Variants in SLC16A2 observed in about 807,000 individuals in gnomAD.
SLC16A2 encodes monocarboxylate transporter 8.
Under a neutral mutation model 27.2 loss-of-function variants are expected in SLC16A2, and 3 were observed. The observed-to-expected ratio is 0.11, with a 90% CI of 0.05 to 0.28. SLC16A2 has a LOEUF of 0.28. Ranked by LOEUF, SLC16A2 falls within the 10% of genes least tolerant of loss-of-function variation. The pLI, the probability that SLC16A2 is intolerant of heterozygous loss-of-function variation, is 1.00. For synonymous variants in SLC16A2, 202 were observed against 187.8 expected (o/e 1.08, Z -0.62); for missense variants, 295 against 458.5 (o/e 0.64, Z 3.26).
chrX:74,421,742 G>GGAGCCTGAGCCC lies in SLC16A2; in HGVS notation c.111_122dup (p.Glu40_Pro43dup), dbSNP rs1569281030. On this transcript the variant is annotated inframe_insertion, in exon 1 of 6. Coordinates refer to ENST00000587091, the MANE Select transcript of SLC16A2 (RefSeq NM_006517.5). ...GTAGCCCAGAGCCGGAGTCTGAGCC[G>GGAGCCTGAGCCC]GAGCCTGAGCCCGAGCCCGAGCCCG... The GGAGCCTGAGCCC allele has an allele frequency of 3.5e-6, 4 of 1,158,625 alleles. No homozygotes were observed. Among genetic ancestry groups the GGAGCCTGAGCCC allele is most frequent in the Middle Eastern group, 3.0e-4 (1 of 3,335 alleles).
intron 1 of SLC16A2, among the ~76,000 whole-genome samples, chrX:74,485,045 C>T (rs1285829265): frequency 2.7e-5 from 3 of 110,647 alleles, no homozygotes; most frequent in South Asian, 3.9e-4. Context: ...GGAGAAACCT[C>T]GTCTCTACTA....
chrX:74,490,989 C>T (rs1045477786), intron 1 of SLC16A2, among the ~76,000 whole-genome samples: 1 of 111,877 alleles, frequency 8.9e-6, no homozygotes, highest in Non-Finnish European at 1.9e-5. Flanking sequence ...AGGAGAAGCT[C>T]GAAGTCAGGA....
chrX:74,463,532 AT>A (rs964176575), intron 1 of SLC16A2, among the ~76,000 whole-genome samples: 33 of 105,592 alleles, frequency 3.1e-4, no homozygotes, highest in Middle Eastern at 4.9e-3. Flanking sequence ...TATTTGGTCA[AT>A]TTTTTTTTTT....
intron 1 of SLC16A2, among the ~76,000 whole-genome samples, chrX:74,441,870 C>T (rs1240015100): frequency 9.0e-6 from 1 of 111,491 alleles, no homozygotes. Flanking sequence ...GCCCTTATCA[C>T]TTCAGGTTCT....
intron 1 of SLC16A2, among the ~76,000 whole-genome samples, chrX:74,483,244 T>C (rs1929657371): frequency 9.0e-6 from 1 of 111,605 alleles, no homozygotes; most frequent in South Asian, 3.8e-4. Context: ...TTTGAGCTTC[T>C]GGATGATCTA....
At chrX:74,463,929 T>C (rs1310387344) in intron 1 of SLC16A2, among the ~76,000 whole-genome samples, 1 of 112,459 alleles carries the variant, frequency 8.9e-6, no homozygotes, top group Non-Finnish European at 1.9e-5. Context: ...TGCCCTGTTT[T>C]AGTTCATCCC....
intron 1 of SLC16A2, among the ~76,000 whole-genome samples, chrX:74,483,374 G>A (rs1432773775): frequency 1.8e-5 from 2 of 111,243 alleles, no homozygotes; most frequent in Admixed American, 9.6e-5. Context: ...AAGTCTTCAA[G>A]GCTTGCCCAG....
chrX:74,492,939 G>A (rs1187369159), intron 1 of SLC16A2, among the ~76,000 whole-genome samples: 2 of 112,070 alleles, frequency 1.8e-5, no homozygotes, highest in Non-Finnish European at 3.8e-5. Flanking sequence ...GGCTGTCTGG[G>A]CCCTGCTCTT....
intron 1 of SLC16A2, among the ~76,000 whole-genome samples, chrX:74,450,125 C>T (rs140744523): frequency 0.013 from 1,479 of 112,207 alleles, 22 homozygotes; most frequent in African/African-American, 0.046. Flanking sequence ...AAGGCAAGTC[C>T]TTTAGTCACC....
At chrX:74,472,743 A>C (rs1377353977) in intron 1 of SLC16A2, among the ~76,000 whole-genome samples, 1 of 33,631 alleles carries the variant, frequency 3.0e-5, no homozygotes. Context: ...GCATGGGTGC[A>C]AAAAAAAAAA....
chrX:74,451,064 A>G (rs1216469303), intron 1 of SLC16A2, among the ~76,000 whole-genome samples: 1 of 111,639 alleles, frequency 9.0e-6, no homozygotes, highest in Non-Finnish European at 1.9e-5. Context: ...GGTAAAACAC[A>G]TGAACTTTAA....
intron 2 of SLC16A2, among the ~76,000 whole-genome samples, chrX:74,523,300 C>T (rs1353498832): frequency 1.8e-5 from 2 of 112,687 alleles, no homozygotes; most frequent in South Asian, 3.7e-4. Context: ...TAGAATCATG[C>T]ACCATATCTT....
intron 1 of SLC16A2, among the ~76,000 whole-genome samples, chrX:74,441,586 G>C (rs1928749777): frequency 8.9e-6 from 1 of 111,758 alleles, no homozygotes; most frequent in Non-Finnish European, 1.9e-5. Context: ...AAGGAGATTT[G>C]ACAAATGGCT....
At chrX:74,429,037 G>A (rs925903857) in intron 1 of SLC16A2, among the ~76,000 whole-genome samples, 10 of 111,229 alleles carry the variant, frequency 9.0e-5, no homozygotes, top group Admixed American at 7.7e-4. Context: ...AGGGGTCAGA[G>A]AAGGGAGAAG....
At chrX:74,511,482 C>T (rs1025772126) in intron 1 of SLC16A2, among the ~76,000 whole-genome samples, 2 of 112,221 alleles carry the variant, frequency 1.8e-5, no homozygotes, top group South Asian at 3.7e-4. Flanking sequence ...CACCCGGCCG[C>T]GATTTGTTTA....
intron 1 of SLC16A2, among the ~76,000 whole-genome samples, chrX:74,497,120 G>A (rs1929951742): frequency 8.9e-6 from 1 of 111,836 alleles, no homozygotes; most frequent in Non-Finnish European, 1.9e-5. Context: ...GGCCAGGGGA[G>A]GTCTTGGGAA....
intron 2 of SLC16A2, among the ~76,000 whole-genome samples, chrX:74,522,855 C>A (rs1195498403): frequency 9.0e-6 from 1 of 111,701 alleles, no homozygotes; most frequent in African/African-American, 3.3e-5. Context: ...AAAAATGGTT[C>A]TTCTCATGGC....
chrX:74,518,078 T>C (rs1050960632), intron 1 of SLC16A2, among the ~76,000 whole-genome samples: 14 of 112,060 alleles, frequency 1.2e-4, no homozygotes, highest in Admixed American at 8.5e-4. Context: ...AAAAAGCTAG[T>C]GTAATCATCT....
intron 1 of SLC16A2, among the ~76,000 whole-genome samples, chrX:74,513,968 A>G (rs1433992639): frequency 8.9e-6 from 1 of 111,951 alleles, no homozygotes; most frequent in Non-Finnish European, 1.9e-5. Context: ...TAATTGTTGA[A>G]TAAATTAATA....
Sources: allele counts gnomAD v4.1 joint callset (sites outside exome capture counted in the v4.1 genomes callset), GRCh38; gene constraint gnomAD v4.1.1; transcripts MANE v1.5; gene names NCBI Gene and HGNC (gene_info 2026-07-23, HGNC 2026-07-21).